Variants in CACNG4 observed in about 807,000 individuals in gnomAD.
The protein encoded by CACNG4 is calcium voltage-gated channel auxiliary subunit gamma 4.
CACNG4 carries 8 observed loss-of-function variants against 22.9 expected under a neutral mutation model. The ratio of observed to expected loss-of-function variants is 0.35; its 90% CI spans 0.21 to 0.63. The LOEUF is 0.63. Ranked by LOEUF, CACNG4 falls within the 30% of genes least tolerant of loss-of-function variation. CACNG4 has a pLI of 0.72. For synonymous variants in CACNG4, 188 were observed against 191.9 expected (o/e 0.98, Z 0.17); for missense variants, 357 against 455.4 (o/e 0.78, Z 1.97).
intron 2 of CACNG4, among the ~76,000 whole-genome samples, chr17:67,020,766 C>T (rs1197093922): frequency 1.3e-5 from 2 of 152,174 alleles, no homozygotes; most frequent in Non-Finnish European, 2.9e-5. Flanking sequence ...TTTCCAGGGC[C>T]ACCCTGATTT....
At chr17:67,023,877 A>G (rs947825618) in intron 2 of CACNG4, among the ~76,000 whole-genome samples, 15 of 152,254 alleles carry the variant, frequency 9.9e-5, no homozygotes, top group African/African-American at 3.6e-4. Flanking sequence ...GCGCCTGGCC[A>G]AGGCCCTTTT....
At chr17:66,983,246 C>A (rs1170892267) in intron 1 of CACNG4, among the ~76,000 whole-genome samples, 1 of 152,244 alleles carries the variant, frequency 6.6e-6, no homozygotes, top group Non-Finnish European at 1.5e-5. Flanking sequence ...CACCCCCCAG[C>A]ACCTGCACCC....
chr17:67,006,594 C>T (rs1567756154), intron 1 of CACNG4, among the ~76,000 whole-genome samples: 4 of 152,184 alleles, frequency 2.6e-5, no homozygotes, highest in African/African-American at 9.7e-5. Flanking sequence ...GCTTCCCAGA[C>T]ACCCCATTCA....
chr17:66,972,661 C>CA (rs35227826), intron 1 of CACNG4, among the ~76,000 whole-genome samples: 103,295 of 151,936 alleles, frequency 0.68, 35,281 homozygotes, highest in Middle Eastern at 0.78. Context: ...CGCGGTGACT[C>CA]ACGCCTGTAA....
At chr17:67,013,529 G>A (rs1476347837) in intron 1 of CACNG4, among the ~76,000 whole-genome samples, 1 of 152,152 alleles carries the variant, frequency 6.6e-6, no homozygotes, top group Non-Finnish European at 1.5e-5. Flanking sequence ...ATGAGGCCAG[G>A]TGTGATGGCT....
At chr17:67,025,078 C>T in intron 3 of CACNG4, 78 bp downstream of exon 3, 2 of 1,381,808 alleles carry the variant, frequency 1.4e-6, no homozygotes, top group East Asian at 2.6e-5. Context: ...TCCCCACTGC[C>T]AGGCAGTGTG....
chr17:67,024,901 A>G lies in CACNG4; in HGVS notation c.346A>G (p.Ile116Val), dbSNP rs1822940691. The G allele has an allele frequency of 1.2e-6, 2 of 1,603,800 alleles. No individual in the cohort carries two copies. The highest frequency in any genetic ancestry group is 1.7e-6 in the Non-Finnish European group (2 of 1,176,682). Reference protein sequence around the residue: ...ASSVFPILSTILLLLGGLCIG... With the variant: ...ASSVFPILSTVLLLLGGLCIG... ...CAGCGTCTTCCCCATCCTCAGCACC[A>G]TCCTGCTCCTGCTGGGTGGCCTGTG... The change falls in exon 3 of 4, where the codon ATC becomes GTC. Residue 116 changes from isoleucine (I) to valine (V), a missense_variant. Coordinates refer to ENST00000262138, the MANE Select transcript of CACNG4 (RefSeq NM_014405.4).
rs1002578511 is a variant in CACNG4 at position 67,031,883 on chromosome 17, G to T, written c.*879G>T. On this transcript the variant is annotated 3_prime_UTR_variant, in exon 4 of 4. Transcript: ENST00000262138. This position sits in a 1 kb window ranked among gnomAD's most constrained non-coding sequence, Gnocchi z 4.0. ...CCCCTGAGCGTTGGGGGTCCCGGGG[G>T]AGAGGTGGACAGACACCTCCCTCCA... is the stretch of plus-strand genomic sequence containing the variant. The T allele has an allele frequency of 1.8e-5, 8 of 456,582 alleles. No homozygotes were observed. The highest frequency in any genetic ancestry group is 7.7e-5 in the South Asian group (5 of 64,564). 28.3% of individuals were successfully genotyped at this position (456,582 alleles called of 1,614,324 possible).
In CACNG4 at chr17:66,987,814, G is replaced by A. The variant is rs139772751; in HGVS notation, c.220+22683G>A. Among the ~76,000 whole-genome samples, 1,267 of 152,168 alleles carry A rather than the reference G, an allele frequency of 8.3e-3. 11 individuals are homozygous for A. The highest frequency in any genetic ancestry group is 0.051 in the Middle Eastern group (15 of 294). Reference sequence around the variant, plus strand: ...AACCTACCCAGAAGCCAAGGGCAAGGGAGCCTGGGAAGCATGGTTCCTGGG... The same window carrying A: ...AACCTACCCAGAAGCCAAGGGCAAGAGAGCCTGGGAAGCATGGTTCCTGGG... On this transcript the variant is annotated intron_variant, in intron 1 of 3. Coordinates refer to ENST00000262138, the MANE Select transcript of CACNG4 (RefSeq NM_014405.4).
Position 67,032,228 on chromosome 17 carries a change from C to G in CACNG4, c.*1224C>G. The G allele has an allele frequency of 8.6e-6, 3 of 346,908 alleles. 1 individual carries two copies. The highest frequency in any genetic ancestry group is 6.8e-5 in the South Asian group (3 of 43,988). 21.5% of individuals were successfully genotyped at this position (346,908 alleles called of 1,614,324 possible). A position where few individuals can be genotyped will look rare whatever the true frequency, so the allele number is the denominator to read the frequency against. ...AGAGGGGAGATCTCAGCACTTTGTC[C>G]GGAGCTGAGGAAGTGGTTTCTGTGT... is the stretch of plus-strand genomic sequence containing the variant. On this transcript the variant is annotated 3_prime_UTR_variant, in exon 4 of 4. Transcript: ENST00000262138.
At chr17:66,980,950 G>A (rs184563413) in intron 1 of CACNG4, among the ~76,000 whole-genome samples, 14 of 152,066 alleles carry the variant, frequency 9.2e-5, no homozygotes, top group African/African-American at 2.4e-4. Flanking sequence ...TTCTTCCAGA[G>A]GTTCCTCTAA....
intron 1 of CACNG4, among the ~76,000 whole-genome samples, chr17:66,979,382 T>C: frequency 6.6e-6 from 1 of 151,232 alleles, no homozygotes; most frequent in Non-Finnish European, 1.5e-5. Context: ...TTTAACTCTG[T>C]GATTATTAGG....
chr17:66,985,942 G>C (rs1429321905), intron 1 of CACNG4, among the ~76,000 whole-genome samples: 1 of 148,642 alleles, frequency 6.7e-6, no homozygotes, highest in Non-Finnish European at 1.5e-5. Context: ...GTTTAAAAAA[G>C]GAAAAAAAAA....
chr17:66,968,079 C>T (rs1269802900), intron 1 of CACNG4, among the ~76,000 whole-genome samples: 1 of 152,202 alleles, frequency 6.6e-6, no homozygotes, highest in Non-Finnish European at 1.5e-5. Context: ...TGGGAGGACG[C>T]TGTCTTCACC....
Position 67,024,842 on chromosome 17 carries a change from C to A in CACNG4, c.305-18C>A. The A allele has an allele frequency of 6.6e-7, 1 of 1,520,352 alleles. No homozygotes were observed. Among genetic ancestry groups the A allele is most frequent in the Middle Eastern group, 1.7e-4 (1 of 5,720 alleles). 94.2% of individuals were successfully genotyped at this position (1,520,352 alleles called of 1,614,324 possible). On this transcript the variant is annotated intron_variant, in intron 2 of 3. Coordinates refer to ENST00000262138, the MANE Select transcript of CACNG4 (RefSeq NM_014405.4). ...ATCTCACTGCCCTCTGCTTTGTGCC[C>A]CCCACCTCCCCGGCCAGGCATCGTG...
At chr17:67,014,390 C>T (rs183592606) in intron 1 of CACNG4, among the ~76,000 whole-genome samples, 105 of 152,198 alleles carry the variant, frequency 6.9e-4, no homozygotes, top group Middle Eastern at 3.4e-3. Flanking sequence ...CATTCTACTC[C>T]ACAAAAACAG....
At chr17:66,965,846 G>T (rs542177766) in intron 1 of CACNG4, among the ~76,000 whole-genome samples, 191 of 152,282 alleles carry the variant, frequency 1.3e-3, no homozygotes, top group African/African-American at 3.1e-3. Flanking sequence ...TCCTCGCTGT[G>T]CGGTGGGGTG....
intron 1 of CACNG4, among the ~76,000 whole-genome samples, chr17:67,015,525 G>A (rs913814131): frequency 6.6e-6 from 1 of 152,308 alleles, no homozygotes; most frequent in East Asian, 1.9e-4. Context: ...GGGAGAAGCT[G>A]AGTATAAAGG....
chr17:66,991,321 C>G (rs1171200985), intron 1 of CACNG4, among the ~76,000 whole-genome samples: 3 of 149,552 alleles, frequency 2.0e-5, no homozygotes, highest in Non-Finnish European at 4.4e-5. Context: ...TTGCCATCCC[C>G]AAACAAACAA....
Sources: allele counts gnomAD v4.1 joint callset (sites outside exome capture counted in the v4.1 genomes callset), GRCh38; gene constraint gnomAD v4.1.1; non-coding constraint Gnocchi (gnomAD v3.1); transcripts MANE v1.5; gene names NCBI Gene and HGNC (gene_info 2026-07-23, HGNC 2026-07-21).